The following EIF2B3 variants were observed in gnomAD, a reference collection of about 807,000 sequenced individuals.
EIF2B3 encodes eukaryotic translation initiation factor 2B subunit gamma.
In EIF2B3, 20 loss-of-function variants were observed where a neutral mutation model predicts 54.1. That is an observed-to-expected ratio of 0.37 (90% confidence interval 0.26 to 0.54). The LOEUF (loss-of-function observed/expected upper bound fraction) is 0.54, where lower values mean the gene tolerates loss of function less well. EIF2B3 is among the 20% of genes least tolerant of loss of function. The pLI is 0.86. For missense variants in EIF2B3, 448 were observed against 547.8 expected (o/e 0.82, Z 1.82); for synonymous variants, 153 against 188.1 (o/e 0.81, Z 1.52).
rs769464382 is a variant in EIF2B3, at chr1:44,851,029, T to G, written c.1307-26A>C. The G allele has an allele frequency of 2.0e-5, 32 of 1,611,410 alleles. No individual in the cohort carries two copies. The Admixed American group carries it at 4.5e-4, about 23-fold the overall frequency. On this transcript the variant is annotated intron_variant, in intron 11 of 11. Transcript: ENST00000360403. ...CTACAAAAGAAAAGGAAAAAAGTTT[T>G]CTGAGAACTGGCAGCAAGATGACAT... is the stretch of plus-strand genomic sequence containing the variant.
chr1:44,970,873 G>A (rs1408547734), intron 3 of EIF2B3, among the ~76,000 whole-genome samples: 1 of 152,088 alleles, frequency 6.6e-6, no homozygotes. Context: ...GGATTTCAGG[G>A]GCTATTGTAG....
chr1:44,872,805 A>C (rs1057482051), intron 10 of EIF2B3, among the ~76,000 whole-genome samples: 3 of 152,140 alleles, frequency 2.0e-5, no homozygotes, highest in African/African-American at 7.2e-5. Context: ...CATAGCACCT[A>C]TCACTTCTTA....
chr1:44,941,763 C>T, intron 3 of EIF2B3, 98 bp from the exon 4 acceptor site: 1 of 1,356,318 alleles, frequency 7.4e-7, no homozygotes, highest in Non-Finnish European at 1.1e-6. Flanking sequence ...CCACACAAAT[C>T]AGACAATACT....
rs551262248 is a variant in EIF2B3, at chr1:44,884,913, C to T, written c.657-3174G>A. 2.6e-5 allele frequency among the ~76,000 whole-genome samples: 4 copies of T among 152,338 alleles called. No homozygotes were observed. The East Asian group carries it at 5.8e-4, about 22-fold the overall frequency. ...ATGAAACAGCCCTGCCAGGTCCCAC[C>T]CACCTCTGCTGGAGCTCAACATTAG... On this transcript the variant is annotated intron_variant, in intron 6 of 11. Transcript: ENST00000360403.
In EIF2B3 at chr1:44,897,404, G is replaced by A; in HGVS notation, c.607C>T (p.His203Tyr). The change falls in exon 6 of 12, where the codon CAC becomes TAC. Residue 203 changes from histidine to tyrosine, a missense_variant. Transcript: ENST00000360403. Reference protein sequence around the residue: ...IRFHTGLVDAHLYCLKKYIVD... With the variant: ...IRFHTGLVDAYLYCLKKYIVD... Reference sequence around the variant, plus strand: ...ATGTATTTTTTCAAACAGTAGAGGTGGGCATCCACAAGACCCGTGTGGAAA... The same window carrying A: ...ATGTATTTTTTCAAACAGTAGAGGTAGGCATCCACAAGACCCGTGTGGAAA... 3 of 1,613,404 alleles carry A rather than the reference G, an allele frequency of 1.9e-6. No homozygotes were observed. The highest frequency in any genetic ancestry group is 2.5e-6 in the Non-Finnish European group (3 of 1,179,812).
intron 4 of EIF2B3, among the ~76,000 whole-genome samples, chr1:44,934,878 G>GT (rs917067429): frequency 9.9e-5 from 15 of 151,684 alleles, no homozygotes; most frequent in African/African-American, 1.7e-4. Flanking sequence ...GCCCAAACAG[G>GT]TTTTTTTTTG....
rs200212966 is a variant in EIF2B3 at position 44,881,557 on chromosome 1, T to C, written c.784+55A>G. Reference sequence around the variant, plus strand: ...GCTGGGCTAAGCTGCCCAACCACTCTTTCCAAAGGTGCTGCTACCCTTGCC... The same window carrying C: ...GCTGGGCTAAGCTGCCCAACCACTCCTTCCAAAGGTGCTGCTACCCTTGCC... On this transcript the variant is annotated intron_variant, in intron 7 of 11. Transcript: ENST00000360403. The surrounding 1 kb of genome is among the most constrained non-coding windows in gnomAD (Gnocchi z 4.0). 2.0e-5 allele frequency: 32 copies of C among 1,609,276 alleles called. No individual in the cohort carries two copies. Among genetic ancestry groups the C allele is most frequent in the Non-Finnish European group, 2.5e-5 (29 of 1,177,420 alleles).
At chr1:44,940,367 A>G (rs1644006647) in intron 4 of EIF2B3, among the ~76,000 whole-genome samples, 1 of 152,206 alleles carries the variant, frequency 6.6e-6, no homozygotes, top group African/African-American at 2.4e-5. Context: ...TCATTCAGGA[A>G]AATTTAAACC....
chr1:44,928,303 C>A (rs934434502), intron 4 of EIF2B3, among the ~76,000 whole-genome samples: 1 of 151,490 alleles, frequency 6.6e-6, no homozygotes, highest in Non-Finnish European at 1.5e-5. Flanking sequence ...AATCAGCTGC[C>A]GAGTGTGGTG....
At chr1:44,861,031 A>C (rs1654596579) in intron 10 of EIF2B3, among the ~76,000 whole-genome samples, 1 of 152,252 alleles carries the variant, frequency 6.6e-6, no homozygotes, top group Non-Finnish European at 1.5e-5. Context: ...CTAGGAGGTT[A>C]AAGCCTTTTG....
chr1:44,923,368 T>C (rs1283467995), intron 5 of EIF2B3, among the ~76,000 whole-genome samples: 2 of 152,230 alleles, frequency 1.3e-5, no homozygotes, highest in African/African-American at 2.4e-5. Context: ...ATTTGATTGA[T>C]AGTTTGATTA....
chr1:44,874,776 T>C lies in EIF2B3; in HGVS notation c.1104A>G (p.Ser368=), dbSNP rs1219551482. The C allele has an allele frequency of 5.0e-6, 8 of 1,614,014 alleles. No individual in the cohort carries two copies. Among genetic ancestry groups the C allele is most frequent in the Non-Finnish European group, 5.9e-6 (7 of 1,180,032 alleles). ...IGPETQIGEK[S]SIKRSVIGSS... ...AGCCAATGACTGAGCGCTTAATGGA[T>C]GACTTCTCTCCAATCTGTGTCTCTG... is the stretch of plus-strand genomic sequence containing the variant. The change falls in exon 10 of 12, where the codon TCA becomes TCG. Residue 368 remains serine, a synonymous_variant. Transcript: ENST00000360403.
At chr1:44,933,549 GGATA>G (rs1166088869) in intron 4 of EIF2B3, among the ~76,000 whole-genome samples, 1 of 152,070 alleles carries the variant, frequency 6.6e-6, no homozygotes, top group Non-Finnish European at 1.5e-5. Flanking sequence ...AGTGGGGTGA[GGATA>G]GATAGGGTGA....
chr1:44,886,066 T>G (rs1655573526), intron 6 of EIF2B3, among the ~76,000 whole-genome samples: 1 of 151,304 alleles, frequency 6.6e-6, no homozygotes, highest in Non-Finnish European at 1.5e-5. Flanking sequence ...AATGATAGAA[T>G]AAAATGCTTA....
intron 3 of EIF2B3, among the ~76,000 whole-genome samples, chr1:44,954,783 G>A (rs1378612658): frequency 6.6e-6 from 1 of 152,080 alleles, no homozygotes; most frequent in African/African-American, 2.4e-5. Context: ...GGTGAGAGAG[G>A]GTATCCTTGT....
intron 3 of EIF2B3, among the ~76,000 whole-genome samples, chr1:44,952,319 T>G (rs910337747): frequency 2.0e-5 from 3 of 151,124 alleles, no homozygotes; most frequent in African/African-American, 4.9e-5. Context: ...AGGCTGGTCT[T>G]GAACTCCTGA....
chr1:44,863,120 CT>C (rs919437151), intron 10 of EIF2B3: 7 of 152,148 alleles, frequency 4.6e-5, no homozygotes, highest in African/African-American at 1.7e-4. Context: ...AGGTTCTTTT[CT>C]TTTTTGATGA....
rs386366852 is a variant in EIF2B3 at position 44,922,836 on chromosome 1, A to ATTTTTT, written c.566+3786_566+3791dup. 3.0e-4 allele frequency among the ~76,000 whole-genome samples: 17 copies of ATTTTTT among 56,656 alleles called. 2 individuals carry two copies. Among genetic ancestry groups the ATTTTTT allele is most frequent in the East Asian group, 6.6e-4 (1 of 1,524 alleles). The allele number at this position is 56,656 out of a possible 152,430, so 37.2% of individuals were successfully genotyped here. A position where few individuals can be genotyped will look rare whatever the true frequency, so the allele number is the denominator to read the frequency against. On this transcript the variant is annotated intron_variant, in intron 5 of 11. Transcript: ENST00000360403. ...ATTACTTTCTTGATTTCTTTTTCAGATTTTTTTTTTTTTTTTTTTTTTTTT... is the reference window on the plus strand; with the variant it reads ...ATTACTTTCTTGATTTCTTTTTCAGATTTTTTTTTTTTTTTTTTTTTTTTTTTTTTT...
At chr1:44,878,931 G>A (rs1264375382) in intron 8 of EIF2B3, among the ~76,000 whole-genome samples, 1 of 151,092 alleles carries the variant, frequency 6.6e-6, no homozygotes, top group Non-Finnish European at 1.5e-5. Flanking sequence ...GCTAATTTTT[G>A]TAGTATTTTT....
Sources: gnomAD v4.1 joint callset for allele counts (sites outside exome capture counted in the v4.1 genomes callset) on GRCh38, gnomAD v4.1.1 for gene constraint, Gnocchi (gnomAD v3.1) non-coding constraint, MANE v1.5 for transcripts, NCBI Gene and HGNC (gene_info 2026-07-23, HGNC 2026-07-21) for gene names.